The following NUDCD1 variants were observed in gnomAD, a reference collection of about 807,000 sequenced individuals.
The protein encoded by NUDCD1 is NudC domain containing 1, also known as nudC domain-containing protein 1.
In NUDCD1, 60 loss-of-function variants were observed where a neutral mutation model predicts 67.8. The ratio of observed to expected loss-of-function variants is 0.88; its 90% CI spans 0.72 to 1.10. The LOEUF (loss-of-function observed/expected upper bound fraction) is 1.10, where lower values mean the gene tolerates loss of function less well. Among genes scored for constraint, NUDCD1 ranks in the 50% least tolerant of loss-of-function variants. The pLI is 0.00. For missense variants in NUDCD1, 643 were observed against 695.0 expected (o/e 0.93, Z 0.84); for synonymous variants, 244 against 230.8 (o/e 1.06, Z -0.52).
intron 1 of NUDCD1, among the ~76,000 whole-genome samples, chr8:109,329,651 T>C (rs1173415102): frequency 6.6e-6 from 1 of 152,208 alleles, no homozygotes; most frequent in East Asian, 1.9e-4. Context: ...TTGGGAATGA[T>C]AGCTAAGTTT....
chr8:109,270,261 G>C (rs546106409), intron 8 of NUDCD1, among the ~76,000 whole-genome samples: 1 of 151,384 alleles, frequency 6.6e-6, no homozygotes, highest in East Asian at 1.9e-4. Flanking sequence ...CATACAAATT[G>C]GTAAGAAACA....
Position 109,289,865 on chromosome 8 carries a change from T to C in NUDCD1, c.709A>G (p.Ile237Val), listed in dbSNP as rs148411614. The C allele has an allele frequency of 1.5e-4, 226 of 1,558,250 alleles. No individual in the cohort carries two copies. Among genetic ancestry groups the C allele is most frequent in the Non-Finnish European group, 1.9e-4 (215 of 1,153,614 alleles). The change falls in exon 5 of 10, where the codon ATT becomes GTT. Residue 237 changes from isoleucine to valine, a missense_variant. By Grantham distance (29) the Ile-to-Val change is conservative. Transcript: ENST00000239690. ...RGKSVPHYAAIEPDGNGLMIV... is the reference protein window; with the variant it reads ...RGKSVPHYAAVEPDGNGLMIV... ...ATTAGACCATTTCCATCAGGCTCAA[T>C]AGCAGCATAATGTGGCACTGACTTT...
intron 8 of NUDCD1, among the ~76,000 whole-genome samples, chr8:109,267,181 T>G (rs1030978858): frequency 6.6e-6 from 1 of 152,156 alleles, no homozygotes; most frequent in Non-Finnish European, 1.5e-5. Flanking sequence ...CATAGGTAAA[T>G]TGCATGTCAT....
chr8:109,285,269 T>C (rs1287429486), intron 5 of NUDCD1, among the ~76,000 whole-genome samples: 4 of 137,084 alleles, frequency 2.9e-5, no homozygotes, highest in African/African-American at 1.0e-4. Context: ...ACTGAAACTA[T>C]TCCAAAAAAA....
chr8:109,284,233 G>A (rs1814522896), intron 5 of NUDCD1, among the ~76,000 whole-genome samples: 1 of 152,102 alleles, frequency 6.6e-6, no homozygotes, highest in African/African-American at 2.4e-5. Context: ...TCAATGAGAA[G>A]ACTGAACTAT....
At chr8:109,325,453 T>C (rs1464458787) in intron 1 of NUDCD1, among the ~76,000 whole-genome samples, 5 of 152,204 alleles carry the variant, frequency 3.3e-5, no homozygotes, top group African/African-American at 1.2e-4. Context: ...CATCAAAATA[T>C]AACATAAAAT....
chr8:109,326,422 A>C (rs373381586), intron 1 of NUDCD1, among the ~76,000 whole-genome samples: 13 of 152,214 alleles, frequency 8.5e-5, no homozygotes, highest in African/African-American at 3.1e-4. Flanking sequence ...GTAGAAAAGC[A>C]GTGTCCAGAA....
At position 109,302,186 on chromosome 8, in the gene NUDCD1, G is replaced by A. The variant is rs991668266; in HGVS notation, c.274-5617C>T. Among the ~76,000 whole-genome samples, 7 of 151,828 alleles carry A rather than the reference G, an allele frequency of 4.6e-5. No homozygotes were observed. In the East Asian group the frequency reaches 5.8e-4, roughly 13 times the overall value. On this transcript the variant is annotated intron_variant, in intron 2 of 9. Coordinates refer to ENST00000239690, the MANE Select transcript of NUDCD1 (RefSeq NM_032869.4). ...GCATCTTATTTTCTTCTGCAACATC[G>A]CCTGGCCCCAATACAAACTAAACAA...
chr8:109,300,315 G>C (rs561831128), intron 2 of NUDCD1, among the ~76,000 whole-genome samples: 6 of 147,934 alleles, frequency 4.1e-5, no homozygotes, highest in Non-Finnish European at 7.4e-5. Flanking sequence ...GGAGGCATCA[G>C]AGAAAGGCAA....
At chr8:109,274,269 T>A (rs1035354829) in intron 7 of NUDCD1, among the ~76,000 whole-genome samples, 1 of 152,182 alleles carries the variant, frequency 6.6e-6, no homozygotes, top group Non-Finnish European at 1.5e-5. Context: ...ATTGTATATT[T>A]GTCTTCTCAT....
intron 8 of NUDCD1, among the ~76,000 whole-genome samples, chr8:109,248,014 G>C (rs1259533257): frequency 6.6e-6 from 1 of 152,184 alleles, no homozygotes; most frequent in Non-Finnish European, 1.5e-5. Flanking sequence ...CCTGGAATAT[G>C]TGGGTAGACT....
At chr8:109,312,029 G>A (rs1204769562) in intron 2 of NUDCD1, among the ~76,000 whole-genome samples, 8 of 152,078 alleles carry the variant, frequency 5.3e-5, no homozygotes, top group Non-Finnish European at 7.4e-5. Flanking sequence ...TCGGCTGGGC[G>A]CGGTGGCTCA....
intron 8 of NUDCD1, among the ~76,000 whole-genome samples, chr8:109,251,473 G>GT (rs1813623050): frequency 6.6e-6 from 1 of 151,950 alleles, no homozygotes; most frequent in African/African-American, 2.4e-5. Context: ...GTCTGGCCAG[G>GT]TCTCATCTAT....
chr8:109,333,094 T>G (rs570803731), intron 1 of NUDCD1, among the ~76,000 whole-genome samples: 1 of 152,354 alleles, frequency 6.6e-6, no homozygotes, highest in East Asian at 1.9e-4. Context: ...ACTCGGTAAA[T>G]ATTTCTGAAT....
chr8:109,292,017 GC>G (rs1376875617), intron 4 of NUDCD1, among the ~76,000 whole-genome samples: 1 of 151,942 alleles, frequency 6.6e-6, no homozygotes, highest in Non-Finnish European at 1.5e-5. Context: ...CTGAATCTAG[GC>G]CTATTTTTGT....
intron 1 of NUDCD1, 100 bp from the exon 2 acceptor site, chr8:109,322,563 C>A: frequency 1.2e-6 from 1 of 847,388 alleles, no homozygotes; most frequent in South Asian, 1.9e-5. Flanking sequence ...TCACAGAATG[C>A]CAATCACAAA....
At chr8:109,296,621 C>T (rs777946929) in intron 2 of NUDCD1, 52 bp from the exon 3 acceptor site, 13 of 1,208,308 alleles carry the variant, frequency 1.1e-5, no homozygotes, top group Non-Finnish European at 3.5e-6. Context: ...CTGATCCACA[C>T]ACACAAAATA....
chr8:109,253,799 T>C (rs1032575414), intron 8 of NUDCD1, among the ~76,000 whole-genome samples: 13 of 152,222 alleles, frequency 8.5e-5, no homozygotes, highest in Non-Finnish European at 1.9e-4. Flanking sequence ...ACGATTAAAG[T>C]ATACTTACTG....
chr8:109,245,683 C>CA (rs770968996), intron 8 of NUDCD1, among the ~76,000 whole-genome samples: 2 of 152,124 alleles, frequency 1.3e-5, no homozygotes, highest in Non-Finnish European at 2.9e-5. Flanking sequence ...AAGTGATGCA[C>CA]AAGGCATTTA....
Sources: gnomAD v4.1 joint callset for allele counts (sites outside exome capture counted in the v4.1 genomes callset) on GRCh38, gnomAD v4.1.1 for gene constraint, MANE v1.5 for transcripts, NCBI Gene and HGNC (gene_info 2026-07-23, HGNC 2026-07-21) for gene names.